SNX14: variants seen among roughly 807,000 people sequenced by gnomAD.
SNX14 encodes the protein sorting nexin 14, also known as sorting nexin-14.
Under a neutral mutation model 133.8 loss-of-function variants are expected in SNX14, and 93 were observed. The ratio of observed to expected loss-of-function variants is 0.70; its 90% confidence interval spans 0.59 to 0.83. SNX14 has a LOEUF of 0.83. Ranked by LOEUF, SNX14 falls within the 40% of genes least tolerant of loss-of-function variation. The probability of loss-of-function intolerance (pLI) is 0.00; values close to 1 mark genes in which losing one functional copy is unlikely to be tolerated. For synonymous variants in SNX14, 368 were observed against 365.6 expected (o/e 1.01, Z -0.07); for missense variants, 945 against 1,094.9 (o/e 0.86, Z 1.93).
chr6:85,565,455 A>T (rs1410151739), intron 5 of SNX14, 36 bp from the exon 6 acceptor site: 1 of 1,465,684 alleles, frequency 6.8e-7, no homozygotes, highest in Non-Finnish European at 9.4e-7. Context: ...TCAGAAGTTC[A>T]GAGAAATACA....
chr6:85,514,415 A>G, intron 24 of SNX14, 91 bp downstream of exon 24: 1 of 1,499,156 alleles, frequency 6.7e-7, no homozygotes, highest in Admixed American at 2.1e-5. Context: ...TTAAAAAGAC[A>G]GTTATGATGG....
intron 21 of SNX14, among the ~76,000 whole-genome samples, chr6:85,518,597 T>G (rs1775840246): frequency 6.6e-6 from 1 of 152,206 alleles, no homozygotes; most frequent in South Asian, 2.1e-4. Context: ...TCAAACATCT[T>G]GAGATTTTCT....
intron 17 of SNX14, among the ~76,000 whole-genome samples, chr6:85,535,940 G>A (rs907422749): frequency 6.6e-6 from 1 of 151,766 alleles, no homozygotes; most frequent in Admixed American, 6.6e-5. Context: ...CAGTGCCCAG[G>A]GTCATTAAAA....
intron 7 of SNX14, among the ~76,000 whole-genome samples, chr6:85,551,039 G>C (rs1425837948): frequency 1.3e-5 from 2 of 151,966 alleles, no homozygotes; most frequent in East Asian, 3.9e-4. Context: ...CTTCGGCCTC[G>C]CAAAGTGCTG....
At chr6:85,568,974 T>A (rs537835811) in intron 4 of SNX14, among the ~76,000 whole-genome samples, 1 of 151,972 alleles carries the variant, frequency 6.6e-6, no homozygotes, top group East Asian at 1.9e-4. Flanking sequence ...TTCTTTTTTT[T>A]TTTTTTTTGA....
chr6:85,512,654 C>T (rs1012028276), intron 26 of SNX14, among the ~76,000 whole-genome samples: 1 of 151,642 alleles, frequency 6.6e-6, no homozygotes, highest in Non-Finnish European at 1.5e-5. Context: ...GGATGGGTAA[C>T]CCCATGACTT....
chr6:85,569,126 C>T (rs137953767), intron 4 of SNX14, among the ~76,000 whole-genome samples: 175 of 152,276 alleles, frequency 1.1e-3, no homozygotes, highest in African/African-American at 4.2e-3. Context: ...CCACAACCAG[C>T]TAATTTTGCA....
chr6:85,547,651 G>GA (rs1786156635), intron 9 of SNX14, 101 bp from the exon 10 acceptor site: 35 of 1,071,372 alleles, frequency 3.3e-5, no homozygotes, highest in Middle Eastern at 3.2e-4. Flanking sequence ...CTAGAAAAAT[G>GA]AAAAAATAAA....
intron 6 of SNX14, among the ~76,000 whole-genome samples, 174 bp from the exon 7 acceptor site, chr6:85,558,234 T>A (rs1208025187): frequency 6.6e-6 from 1 of 152,200 alleles, no homozygotes; most frequent in African/African-American, 2.4e-5. Flanking sequence ...ATAATTTTTT[T>A]ACCCACAGTA....
At chr6:85,590,995 C>T (rs1802580020) in intron 1 of SNX14, among the ~76,000 whole-genome samples, 2 of 152,220 alleles carry the variant, frequency 1.3e-5, no homozygotes, top group Non-Finnish European at 2.9e-5. Flanking sequence ...TTCTCTGCTT[C>T]TTGGGAGTAC....
intron 19 of SNX14, among the ~76,000 whole-genome samples, chr6:85,528,800 T>C (rs1188063106): frequency 1.3e-5 from 2 of 152,172 alleles, no homozygotes; most frequent in Non-Finnish European, 2.9e-5. Context: ...TTCACACCTG[T>C]AAGCCCAGCA....
chr6:85,537,497 A>T (rs1179598243), intron 16 of SNX14, among the ~76,000 whole-genome samples: 1 of 152,236 alleles, frequency 6.6e-6, no homozygotes, highest in Non-Finnish European at 1.5e-5. Flanking sequence ...TCTGCCATAA[A>T]TATTAAATGT....
Position 85,548,306 on chromosome 6 carries a change from C to T in SNX14, c.862G>A (p.Asp288Asn), listed in dbSNP as rs541223488. ...VFLPSLDFLA[D>N]PDTVNHLLII... ...AAAAAAATCTTAAGTCTTACTGGAT[C>T]AGCTAGGAAATCCAAAGAAGGAAGG... The change falls in exon 9 of 29, where the codon GAT becomes AAT. Residue 288 changes from aspartate (D) to asparagine (N), a missense_variant. This residue lies in a region of SNX14 where 514 missense variants were observed against 538.8 expected (regional missense o/e 0.95). Coordinates refer to ENST00000314673, the MANE Select transcript of SNX14 (RefSeq NM_153816.6). The T allele has an allele frequency of 3.1e-6, 5 of 1,604,686 alleles. No individual in the cohort carries two copies. Among genetic ancestry groups the T allele is most frequent in the Non-Finnish European group, 4.3e-6 (5 of 1,176,088 alleles).
Position 85,593,635 on chromosome 6 carries a change from G to A in SNX14, c.84C>T (p.Tyr28=), listed in dbSNP as rs746476695. The change falls in exon 1 of 29, where the codon TAC becomes TAT. Residue 28 remains tyrosine (Y), a synonymous_variant. Coordinates refer to ENST00000314673, the MANE Select transcript of SNX14 (RefSeq NM_153816.6). Reference sequence around the variant, plus strand: ...AGAGCAGCAGGAAGCAGAACAGCGGGTACTGGCGGCAGATCTCGCGTCCCA... The same window carrying A: ...AGAGCAGCAGGAAGCAGAACAGCGGATACTGGCGGCAGATCTCGCGTCCCA... ...LDVGREICRQ[Y]PLFCFLLLCL... The A allele has an allele frequency of 7.4e-6, 12 of 1,612,792 alleles. No individual in the cohort carries two copies. Among genetic ancestry groups the A allele is most frequent in the Middle Eastern group, 1.6e-4 (1 of 6,062 alleles).
chr6:85,572,895 G>C (rs1796137377), intron 2 of SNX14, among the ~76,000 whole-genome samples: 1 of 152,084 alleles, frequency 6.6e-6, no homozygotes, highest in African/African-American at 2.4e-5. Context: ...GGAGTTTGAG[G>C]CTGCAGTAAG....
At chr6:85,543,981 T>C (rs1462758482) in intron 12 of SNX14, among the ~76,000 whole-genome samples, 1 of 151,930 alleles carries the variant, frequency 6.6e-6, no homozygotes, top group African/African-American at 2.4e-5. Context: ...TGTAAATACA[T>C]AAATACCAAT....
rs747641642 is a variant in SNX14, at chr6:85,514,225, A to C, written c.2402T>G (p.Val801Gly). 24 of 1,611,420 alleles carry C rather than the reference A, an allele frequency of 1.5e-5. No homozygotes were observed. Among genetic ancestry groups the C allele is most frequent in the Non-Finnish European group, 2.0e-5 (23 of 1,179,286 alleles). ...ATGAAGCCAGTCAGGAACCTGGAAA[A>C]CTACCCGTCCTGAGAAAGGATCAAA... ...YDYLMYVGRVVFQVPDWLHHL... is the reference protein window; with the variant it reads ...YDYLMYVGRVGFQVPDWLHHL... Residue 801 changes from valine to glycine, a missense_variant, in exon 25 of 29, where the codon GTT becomes GGT. Transcript: ENST00000314673.
At chr6:85,593,458 C>T in intron 1 of SNX14, 121 bp downstream of exon 1, 1 of 1,403,970 alleles carries the variant, frequency 7.1e-7, no homozygotes, top group Non-Finnish European at 9.4e-7. Flanking sequence ...CTGCGGAGCT[C>T]GCTCTCCCCA....
chr6:85,512,350 G>A (rs1253210373), intron 26 of SNX14, among the ~76,000 whole-genome samples: 7 of 152,218 alleles, frequency 4.6e-5, no homozygotes, highest in South Asian at 2.1e-4. Flanking sequence ...GGCTGGGCAC[G>A]GTGGCTCACG....
Sources: gnomAD v4.1 joint callset for allele counts (sites outside exome capture counted in the v4.1 genomes callset) on GRCh38, gnomAD v4.1.1 for gene constraint, gnomAD v4.1.1 regional missense constraint, MANE v1.5 for transcripts, NCBI Gene and HGNC (gene_info 2026-07-23, HGNC 2026-07-21) for gene names.